EHMT1: variants seen among roughly 807,000 people sequenced by gnomAD.
The protein encoded by EHMT1 is histone-lysine N-methyltransferase EHMT1.
In EHMT1, 15 loss-of-function variants were observed where a neutral mutation model predicts 147.2. The observed-to-expected ratio is 0.10, with a 90% CI of 0.07 to 0.16. The LOEUF is 0.16. EHMT1 is among the 10% of genes least tolerant of loss of function. The pLI, the probability that EHMT1 is intolerant of heterozygous loss-of-function variation, is 1.00. For missense variants in EHMT1, 1,587 were observed against 1,772.4 expected, an observed-to-expected ratio of 0.90 and a Z score of 1.88; for synonymous variants, 795 against 709.6, an observed-to-expected ratio of 1.12 and a Z score of -1.91.
At chr9:137,655,476 C>T (rs575050837) in intron 1 of EHMT1, among the ~76,000 whole-genome samples, 23 of 152,206 alleles carry the variant, frequency 1.5e-4, no homozygotes, top group Non-Finnish European at 3.2e-4. Context: ...AAATACGTTG[C>T]ATATATTAGG....
intron 1 of EHMT1, among the ~76,000 whole-genome samples, chr9:137,654,230 G>C (rs2133985214): frequency 6.6e-6 from 1 of 152,180 alleles, no homozygotes; most frequent in African/African-American, 2.4e-5. Flanking sequence ...CTGATGTGGT[G>C]GTGGGTGCCT....
chr9:137,729,612 TAAG>T (rs1946928529), intron 4 of EHMT1, among the ~76,000 whole-genome samples: 1 of 152,032 alleles, frequency 6.6e-6, no homozygotes, highest in Non-Finnish European at 1.5e-5. Flanking sequence ...TTTTTTAATT[TAAG>T]TATTTTCAGA....
intron 25 of EHMT1, among the ~76,000 whole-genome samples, chr9:137,823,714 C>T (rs191668120): frequency 4.3e-4 from 66 of 152,116 alleles, no homozygotes; most frequent in Admixed American, 1.6e-3. Context: ...CCCGGCCCAA[C>T]GCCTGGCTAA....
intron 4 of EHMT1, among the ~76,000 whole-genome samples, chr9:137,737,435 C>T (rs1161640478): frequency 3.9e-5 from 6 of 152,204 alleles, no homozygotes; most frequent in Admixed American, 6.5e-5. Context: ...ACAAATGGTG[C>T]GGGGAAGACT....
intron 24 of EHMT1, chr9:137,817,831 T>C: frequency 1.6e-6 from 1 of 625,534 alleles, no homozygotes. Context: ...CATTCTGGGT[T>C]CTCAGGTACC....
At chr9:137,698,990 C>T (rs1943618039) in intron 1 of EHMT1, among the ~76,000 whole-genome samples, 1 of 151,308 alleles carries the variant, frequency 6.6e-6, no homozygotes, top group African/African-American at 2.4e-5. Context: ...GGAGGCCACG[C>T]ACTGGGAACC....
At chr9:137,619,171 C>T (rs967519914) in intron 1 of EHMT1, 122 bp downstream of exon 1, 2 of 167,486 alleles carry the variant, frequency 1.2e-5, no homozygotes, top group Admixed American at 6.9e-5. Context: ...GCCCCGGGTC[C>T]CCCCGCCGCC....
intron 1 of EHMT1, among the ~76,000 whole-genome samples, chr9:137,636,042 C>T (rs1844048425): frequency 1.3e-5 from 2 of 151,596 alleles, no homozygotes; most frequent in South Asian, 4.2e-4. Flanking sequence ...CTGCCTCAGC[C>T]TCCTGAGTAG....
At chr9:137,642,884 C>T (rs1050027440) in intron 1 of EHMT1, among the ~76,000 whole-genome samples, 3 of 152,100 alleles carry the variant, frequency 2.0e-5, no homozygotes, top group African/African-American at 7.2e-5. Flanking sequence ...TGATTGCATT[C>T]CCCTCCCCTC....
intron 1 of EHMT1, among the ~76,000 whole-genome samples, chr9:137,636,376 C>T (rs1180428407): frequency 6.6e-6 from 1 of 152,034 alleles, no homozygotes; most frequent in Non-Finnish European, 1.5e-5. Context: ...TGTAGTTCTT[C>T]CTTTTAAATC....
In EHMT1 at chr9:137,721,832, GCTTCT is replaced by G. The variant is rs1292274321; in HGVS notation, c.642+4656_642+4660del. On this transcript the variant is annotated intron_variant, in intron 3 of 26. Coordinates refer to ENST00000460843, the MANE Select transcript of EHMT1 (RefSeq NM_024757.5). Reference sequence around the variant, plus strand: ...TTCCAGTATTTTCTGCTGGTCTGAAGCTTCTCTTCTTTCTCTCAAAAGGTCTTTCA... The same window carrying G: ...TTCCAGTATTTTCTGCTGGTCTGAAGCTTCTTTCTCTCAAAAGGTCTTTCA... 3.3e-5 allele frequency among the ~76,000 whole-genome samples: 5 copies of G among 152,196 alleles called. No individual in the cohort carries two copies. In the East Asian group the frequency reaches 5.8e-4, roughly 18 times the overall value.
Position 137,776,587 on chromosome 9 carries a change from C to T in EHMT1, c.1792-31C>T. The T allele has an allele frequency of 5.6e-6, 9 of 1,612,336 alleles. No homozygotes were observed. Among genetic ancestry groups the T allele is most frequent in the Non-Finnish European group, 7.6e-6 (9 of 1,178,752 alleles). ...TTCTAAATATTAACCCCAATTAAAA[C>T]AAAAATTTTTTTTTGTCCTCCCATT... On this transcript the variant is annotated intron_variant, in intron 11 of 26. Transcript: ENST00000460843. The surrounding 1 kb of genome is among the most constrained non-coding windows in gnomAD (Gnocchi z 4.4).
At chr9:137,824,745 G>A (rs948881229) in intron 25 of EHMT1, among the ~76,000 whole-genome samples, 6 of 152,258 alleles carry the variant, frequency 3.9e-5, no homozygotes, top group African/African-American at 1.4e-4. Flanking sequence ...TACTTTTCAT[G>A]TATTATAAAC....
In EHMT1 at chr9:137,811,565, A is replaced by G; in HGVS notation, c.2817A>G (p.Gly939=). 1.9e-6 allele frequency: 3 copies of G among 1,607,552 alleles called. No homozygotes were observed. Among genetic ancestry groups the G allele is most frequent in the Non-Finnish European group, 2.5e-6 (3 of 1,179,988 alleles). The change falls in exon 19 of 27, where the codon GGA becomes GGG. Residue 939 remains glycine (G), a synonymous_variant. Transcript: ENST00000460843. The part of the protein sequence containing the change: ...KCDLHAVNIH[G]DSPLHIAARE... Reference sequence around the variant, plus strand: ...ACCTCCACGCCGTGAACATCCACGGAGACTCGCCACTGCACATTGCCGCCC... The same window carrying G: ...ACCTCCACGCCGTGAACATCCACGGGGACTCGCCACTGCACATTGCCGCCC...
In EHMT1 at chr9:137,775,303, G is replaced by A; in HGVS notation, c.1791+51G>A. 20 of 1,595,186 alleles carry A rather than the reference G, an allele frequency of 1.3e-5. No individual in the cohort carries two copies. The highest frequency in any genetic ancestry group is 1.7e-5 in the Non-Finnish European group (20 of 1,177,278). On this transcript the variant is annotated intron_variant, in intron 11 of 26. Transcript: ENST00000460843. The surrounding 1 kb of genome is among the most constrained non-coding windows in gnomAD (Gnocchi z 6.1). ...GAGTCCTCCGCAGGCTTTGCTGTCT[G>A]CTCACTGGTGCTGGTTCCTGTCCTG...
Position 137,776,802 on chromosome 9 carries a change from A to C in EHMT1, c.1976A>C (p.Lys659Thr). The change falls in exon 12 of 27, where the codon AAG (lysine) becomes ACG (threonine). Residue 659 changes from lysine (K) to threonine (T), a missense_variant. Physicochemically the swap from Lys to Thr is moderately conservative, Grantham distance 78. Transcript: ENST00000460843. The surrounding 1 kb of genome is among the most constrained non-coding windows in gnomAD (Gnocchi z 4.4). ...STVTPVPGQE[K>T]GSALEGRADT... is the part of the protein sequence containing the mutation. Reference sequence around the variant, plus strand: ...GTGACACCAGTCCCCGGGCAGGAGAAGGGCTCGGCCCTGGAGGGCAGGGCC... The same window carrying C: ...GTGACACCAGTCCCCGGGCAGGAGACGGGCTCGGCCCTGGAGGGCAGGGCC... 6.2e-7 allele frequency: 1 copy of C among 1,614,008 alleles called. No individual in the cohort carries two copies. Among genetic ancestry groups the C allele is most frequent in the African/African-American group, 1.3e-5 (1 of 75,018 alleles).
chr9:137,772,315 G>A (rs1005863469), intron 10 of EHMT1, among the ~76,000 whole-genome samples: 5 of 151,800 alleles, frequency 3.3e-5, no homozygotes, highest in African/African-American at 9.7e-5. Flanking sequence ...TACATTTTAC[G>A]TTTGTCTCTA....
intron 17 of EHMT1, chr9:137,800,587 G>A: frequency 2.1e-6 from 1 of 487,160 alleles, no homozygotes; most frequent in Non-Finnish European, 3.8e-6. Context: ...TGCGTCCCCA[G>A]TGAGTGGTGC....
At chr9:137,695,537 A>G (rs1401239807) in intron 1 of EHMT1, among the ~76,000 whole-genome samples, 1 of 152,248 alleles carries the variant, frequency 6.6e-6, no homozygotes, top group Non-Finnish European at 1.5e-5. Context: ...GACGGCACAG[A>G]GGAGATGACT....
Sources: gnomAD v4.1 joint callset for allele counts (sites outside exome capture counted in the v4.1 genomes callset) on GRCh38, gnomAD v4.1.1 for gene constraint, Gnocchi (gnomAD v3.1) non-coding constraint, MANE v1.5 for transcripts, NCBI Gene and HGNC (gene_info 2026-07-23, HGNC 2026-07-21) for gene names.